FAM161A: variants seen among roughly 807,000 people sequenced by gnomAD.
The protein encoded by FAM161A is protein FAM161A.
Under a neutral mutation model 70.9 loss-of-function variants are expected in FAM161A, and 57 were observed. The ratio of observed to expected loss-of-function variants is 0.80; its 90% CI spans 0.65 to 1.00. FAM161A has a LOEUF of 1.00. Among genes scored for constraint, FAM161A ranks in the 50% least tolerant of loss-of-function variants. FAM161A has a pLI of 0.00. For synonymous variants in FAM161A, 299 were observed against 295.7 expected, an observed-to-expected ratio of 1.01 and a Z score of -0.12; for missense variants, 880 against 836.0, an observed-to-expected ratio of 1.05 and a Z score of -0.65.
At chr2:61,850,462 G>A (rs936816154) in intron 1 of FAM161A, among the ~76,000 whole-genome samples, 5 of 152,024 alleles carry the variant, frequency 3.3e-5, no homozygotes, top group Admixed American at 2.6e-4. Context: ...TATGTATATC[G>A]ACAGTGGAGC....
chr2:61,825,737 A>G lies in FAM161A; in HGVS notation c.*718T>C. The G allele has an allele frequency of 2.4e-6, 1 of 412,864 alleles. No individual in the cohort carries two copies. Among genetic ancestry groups the G allele is most frequent in the Non-Finnish European group, 4.7e-6 (1 of 211,740 alleles). 25.6% of individuals were successfully genotyped at this position (412,864 alleles called of 1,614,324 possible). A position where few individuals can be genotyped will look rare whatever the true frequency, so the allele number is the denominator to read the frequency against. On this transcript the variant is annotated 3_prime_UTR_variant, in exon 7 of 7. Transcript: ENST00000404929. The stretch of plus-strand genomic sequence containing the variant: ...ACTGCAAGCTCTGCCTCCTGGGTTC[A>G]TGCCATTCTCCTGCCTCTGCCTCCC...
chr2:61,842,923 TGGGA>T (rs1175591394), intron 1 of FAM161A, among the ~76,000 whole-genome samples: 1 of 152,056 alleles, frequency 6.6e-6, no homozygotes, highest in African/African-American at 2.4e-5. Context: ...GGCAAGACTT[TGGGA>T]GGGAGTAAGA....
the FAM161A span, among the ~76,000 whole-genome samples, chr2:61,819,250 C>T: frequency 6.6e-6 from 1 of 152,134 alleles, no homozygotes; most frequent in African/African-American, 2.4e-5. Context: ...TCACTTGATT[C>T]CTGGAGTTCA....
chr2:61,815,535 C>CTTTTTTTTTTTTTTTTTT, the FAM161A span, among the ~76,000 whole-genome samples: 1 of 53,210 alleles, frequency 1.9e-5, no homozygotes, highest in Non-Finnish European at 3.2e-5. Flanking sequence ...AAAGATGTGT[C>CTTTTTTTTTTTTTTTTTT]TTTTTTTTTT....
intron 5 of FAM161A, among the ~76,000 whole-genome samples, chr2:61,830,836 T>C (rs1672543911): frequency 6.6e-6 from 1 of 151,912 alleles, no homozygotes; most frequent in Admixed American, 6.6e-5. Context: ...TCTGGCTGGA[T>C]GTGGTGGTTC....
the FAM161A span, among the ~76,000 whole-genome samples, chr2:61,816,872 G>A: frequency 4.6e-5 from 7 of 152,228 alleles, 1 homozygote; most frequent in African/African-American, 1.2e-4. Flanking sequence ...TGGCTGCATC[G>A]GCCAGAGAGG....
downstream of FAM161A, among the ~76,000 whole-genome samples, chr2:61,821,068 T>TC (rs933162424): frequency 3.3e-5 from 5 of 151,970 alleles, no homozygotes; most frequent in African/African-American, 1.2e-4. Flanking sequence ...TTTTTTTTTT[T>TC]CTTAGACAAA....
Position 61,827,558 on chromosome 2 carries a change from C to T in FAM161A, c.1852-300G>A, listed in dbSNP as rs186112272. 5.6e-5 allele frequency among the ~76,000 whole-genome samples: 8 copies of T among 142,356 alleles called. No homozygotes were observed. In the East Asian group the frequency reaches 1.6e-3, roughly 29 times the overall value. The allele number at this position is 142,356 out of a possible 152,430, so 93.4% of individuals were successfully genotyped here. On this transcript the variant is annotated intron_variant, in intron 5 of 6. Transcript: ENST00000404929. ...CTGGGAGGCGGAGCTTGCAGTGAGC[C>T]GAGATCGCGCCACTGTACTCCAGCC...
chr2:61,837,318 TCTCA>T (rs1672810351), intron 4 of FAM161A, among the ~76,000 whole-genome samples: 2 of 152,218 alleles, frequency 1.3e-5, no homozygotes, highest in Non-Finnish European at 2.9e-5. Flanking sequence ...CCGTAAGTGT[TCTCA>T]CTGTTTGAGC....
chr2:61,825,935 C>CG lies in FAM161A; in HGVS notation c.*519dup. On this transcript the variant is annotated 3_prime_UTR_variant, in exon 7 of 7. Coordinates refer to ENST00000404929, the MANE Select transcript of FAM161A (RefSeq NM_001201543.2). Reference sequence around the variant, plus strand: ...TACAGGCATGAGCCACCATACCCGGCGTTTTTTCTATACTTTTAAAAATGG... The same window carrying CG: ...TACAGGCATGAGCCACCATACCCGGCGGTTTTTTCTATACTTTTAAAAATGG... 2.2e-6 allele frequency: 1 copy of CG among 454,080 alleles called. No individual in the cohort carries two copies. Among genetic ancestry groups the CG allele is most frequent in the Non-Finnish European group, 4.4e-6 (1 of 226,780 alleles). 28.1% of individuals were successfully genotyped at this position (454,080 alleles called of 1,614,324 possible).
intron 5 of FAM161A, among the ~76,000 whole-genome samples, chr2:61,833,120 A>AT (rs891948959): frequency 3.9e-5 from 6 of 152,080 alleles, no homozygotes; most frequent in African/African-American, 1.4e-4. Context: ...ACAAGAAAAA[A>AT]TTTTTTTAAA....
chr2:61,840,032 T>A lies in FAM161A; in HGVS notation c.972A>T (p.Pro324=), dbSNP rs769306395. 15 of 1,614,202 alleles carry A rather than the reference T, an allele frequency of 9.3e-6. No homozygotes were observed. Among genetic ancestry groups the A allele is most frequent in the Middle Eastern group, 3.3e-4 (2 of 6,062 alleles). ...GTTCCTCCCTTGCTATAAATTTAAATGGCTTTTGTGAGGCCAAAAGAGCTT... is the reference window on the plus strand; with the variant it reads ...GTTCCTCCCTTGCTATAAATTTAAAAGGCTTTTGTGAGGCCAAAAGAGCTT... ...SKEALLASQK[P]FKFIAREEQK... Residue 324 remains proline (P), a synonymous_variant, in exon 3 of 7, where the codon CCA becomes CCT. Coordinates refer to ENST00000404929, the MANE Select transcript of FAM161A (RefSeq NM_001201543.2).
chr2:61,805,482 C>T, the FAM161A span, among the ~76,000 whole-genome samples: 1 of 152,180 alleles, frequency 6.6e-6, no homozygotes, highest in African/African-American at 2.4e-5. Context: ...TGCCACTGCA[C>T]TCCAGCCTGG....
In FAM161A at chr2:61,840,245, T is replaced by G. The variant is rs1297098484; in HGVS notation, c.759A>C (p.Glu253Asp). 1 of 1,613,906 alleles carries G rather than the reference T, an allele frequency of 6.2e-7. No homozygotes were observed. The highest frequency in any genetic ancestry group is 8.5e-7 in the Non-Finnish European group (1 of 1,179,994). ...QMMIREQKKK[E>D]ESMKSKSDIE... is the part of the protein sequence containing the mutation. Reference sequence around the variant, plus strand: ...TATCTGATTTAGATTTCATGGACTCTTCTTTTTTCTTCTGTTCTCTTATCA... The same window carrying G: ...TATCTGATTTAGATTTCATGGACTCGTCTTTTTTCTTCTGTTCTCTTATCA... Residue 253 changes from glutamate (E) to aspartate (D), a missense_variant, in exon 3 of 7, where the codon GAA (glutamate) becomes GAC (aspartate). Transcript: ENST00000404929.
At chr2:61,845,603 G>A (rs1044511991) in intron 1 of FAM161A, among the ~76,000 whole-genome samples, 1 of 146,738 alleles carries the variant, frequency 6.8e-6, no homozygotes, top group African/African-American at 2.5e-5. Flanking sequence ...TGGGAGGACT[G>A]CTTGAGGCCA....
At chr2:61,802,288 A>G in the FAM161A span, among the ~76,000 whole-genome samples, 5 of 152,172 alleles carry the variant, frequency 3.3e-5, no homozygotes, top group Admixed American at 6.6e-5. Flanking sequence ...TTGCTCAAGT[A>G]TCTCCCCATC....
chr2:61,827,135 C>T lies in FAM161A; in HGVS notation c.1975G>A (p.Glu659Lys). 1 of 1,613,874 alleles carries T rather than the reference C, an allele frequency of 6.2e-7. No individual in the cohort carries two copies. Among genetic ancestry groups the T allele is most frequent in the Non-Finnish European group, 8.5e-7 (1 of 1,180,000 alleles). The change falls in exon 6 of 7, where the codon GAG (glutamate) becomes AAG (lysine). Residue 659 changes from glutamate to lysine, a missense_variant. Coordinates refer to ENST00000404929, the MANE Select transcript of FAM161A (RefSeq NM_001201543.2). ...TTGTCTTCAGTGACACTTTTCGTCTCTTGATTGTTGAAGTACTCAAGTACT... is the reference window on the plus strand; with the variant it reads ...TTGTCTTCAGTGACACTTTTCGTCTTTTGATTGTTGAAGTACTCAAGTACT... ...GKVLEYFNNQ[E>K]TKSVTEDKES...
chr2:61,803,086 G>C, the FAM161A span: 1 of 389,648 alleles, frequency 2.6e-6, no homozygotes, highest in Admixed American at 3.5e-5. Flanking sequence ...TAACACATAG[G>C]ATAGGACACA....
At chr2:61,837,737 AT>A (rs1177903049) in intron 4 of FAM161A, among the ~76,000 whole-genome samples, 2 of 152,208 alleles carry the variant, frequency 1.3e-5, no homozygotes, top group East Asian at 3.8e-4. Flanking sequence ...TCTCAAAAAA[AT>A]AAATAAATAA....
Sources: gnomAD v4.1 joint callset for allele counts (sites outside exome capture counted in the v4.1 genomes callset) on GRCh38, gnomAD v4.1.1 for gene constraint, MANE v1.5 for transcripts, NCBI Gene and HGNC (gene_info 2026-07-23, HGNC 2026-07-21) for gene names.